The following N4BP3 variants were observed in gnomAD, a reference collection of about 807,000 sequenced individuals.
The protein encoded by N4BP3 is NEDD4 binding protein 3.
N4BP3 carries 33 observed loss-of-function variants against 43.8 expected under a neutral mutation model. That is an observed-to-expected ratio of 0.75 (90% CI 0.57 to 1.01). The LOEUF (loss-of-function observed/expected upper bound fraction) is 1.01, where lower values mean the gene tolerates loss of function less well. Ranked by LOEUF, N4BP3 falls within the 50% of genes least tolerant of loss-of-function variation. The pLI, the probability that N4BP3 is intolerant of heterozygous loss-of-function variation, is 0.00. For missense variants in N4BP3, 756 were observed against 744.2 expected, an observed-to-expected ratio of 1.02 and a Z score of -0.18; for synonymous variants, 326 against 321.9, an observed-to-expected ratio of 1.01 and a Z score of -0.14.
At chr5:178,116,605 G>A (rs978368932) in intron 1 of N4BP3, among the ~76,000 whole-genome samples, 2 of 152,210 alleles carry the variant, frequency 1.3e-5, no homozygotes, top group African/African-American at 2.4e-5. Context: ...CGTCTGCACC[G>A]TGTCCTCTAA....
rs761627142 is a variant in N4BP3, at chr5:178,120,288, C to T, written c.441C>T (p.Gly147=). 3.1e-5 allele frequency: 50 copies of T among 1,610,006 alleles called. 1 individual carries two copies. The South Asian group carries it at 5.1e-4, about 16-fold the overall frequency. ...GCCAGAAGCTGTGGCGCAGCAATGG[C>T]AGCCTGCACACGCTGGCCTGCCACC... ...HKGQKLWRSN[G]SLHTLACHPP... is the part of the protein sequence containing the mutation. Residue 147 remains glycine (G), a synonymous_variant, in exon 3 of 5, where the codon GGC becomes GGT. Transcript: ENST00000274605.
chr5:178,121,958 C>A lies in N4BP3; in HGVS notation c.1592C>A (p.Pro531His). The change falls in exon 5 of 5, where the codon CCC becomes CAC. Residue 531 changes from proline (P) to histidine (H), a missense_variant. Transcript: ENST00000274605. ...CAGGAACTGCGGGCACTGCGGGAGC[C>A]CCCCACACCCTGGAGTCCCCGGCTC... Reference protein sequence around the residue: ...LEQELRALREPPTPWSPRLES... With the variant: ...LEQELRALREHPTPWSPRLES... The A allele has an allele frequency of 6.2e-7, 1 of 1,609,612 alleles. No individual in the cohort carries two copies. The highest frequency in any genetic ancestry group is 8.5e-7 in the Non-Finnish European group (1 of 1,178,448).
rs1366161596 is a variant in N4BP3, at chr5:178,122,941, A to G, written c.*940A>G. 6.6e-6 allele frequency: 1 copy of G among 152,152 alleles called. No homozygotes were observed. Among genetic ancestry groups the G allele is most frequent in the Non-Finnish European group, 1.5e-5 (1 of 68,032 alleles). 9.4% of individuals were successfully genotyped at this position (152,152 alleles called of 1,614,324 possible). ...CTTTACCACAGCAAGGAATGGGAAC[A>G]TTTCCCCATCAGCAACGGGGCTCTA... On this transcript the variant is annotated 3_prime_UTR_variant, in exon 5 of 5. Transcript: ENST00000274605.
chr5:178,121,608 T>C lies in N4BP3; in HGVS notation c.1242T>C (p.Ala414=). Reference sequence around the variant, plus strand: ...GGGGCAGCCGGGCACAAGCCCAGGCTCAGGACGCAGAGCTGGTCCGGCTGC... The same window carrying C: ...GGGGCAGCCGGGCACAAGCCCAGGCCCAGGACGCAGAGCTGGTCCGGCTGC... ...QLRGSRAQAQ[A]QDAELVRLRE... is the part of the protein sequence containing the mutation. Residue 414 remains alanine, a synonymous_variant, in exon 5 of 5, where the codon GCT becomes GCC. Coordinates refer to ENST00000274605, the MANE Select transcript of N4BP3 (RefSeq NM_015111.2). 1 of 1,613,168 alleles carries C rather than the reference T, an allele frequency of 6.2e-7. No homozygotes were observed. The highest frequency in any genetic ancestry group is 8.5e-7 in the Non-Finnish European group (1 of 1,179,922).
chr5:178,120,099 G>T, intron 2 of N4BP3, 79 bp from the exon 3 acceptor site: 1 of 1,512,488 alleles, frequency 6.6e-7, no homozygotes, highest in Non-Finnish European at 8.9e-7. Flanking sequence ...ATCCCTCAGG[G>T]GCTGTGAGAG....
chr5:178,122,239 A>G lies in N4BP3; in HGVS notation c.*238A>G, dbSNP rs770160615. On this transcript the variant is annotated 3_prime_UTR_variant, in exon 5 of 5. Coordinates refer to ENST00000274605, the MANE Select transcript of N4BP3 (RefSeq NM_015111.2). ...GGCAGGGCCCAGCCCTGCTTCCTGG[A>G]GTGGATGTGGCCCAGAGAAGGAGGC... 280 of 505,662 alleles carry G rather than the reference A, an allele frequency of 5.5e-4. No individual in the cohort carries two copies. The highest frequency in any genetic ancestry group is 7.6e-4 in the Non-Finnish European group (221 of 289,316). The allele number at this position is 505,662 out of a possible 1,614,324, so 31.3% of individuals were successfully genotyped here.
Position 178,118,955 on chromosome 5 carries a change from TC to T in N4BP3, c.-30-596del, listed in dbSNP as rs1215607246. Reference sequence around the variant, plus strand: ...ATCTCGGCTCACTGCAAGCTCTGCCTCCCAGGTTCATGCCATTCTCCAGCCT... The same window carrying T: ...ATCTCGGCTCACTGCAAGCTCTGCCTCCAGGTTCATGCCATTCTCCAGCCT... On this transcript the variant is annotated intron_variant, in intron 1 of 4. Transcript: ENST00000274605. This position sits in a 1 kb window ranked among gnomAD's most constrained non-coding sequence, Gnocchi z 5.4. 6.6e-6 allele frequency among the ~76,000 whole-genome samples: 1 copy of T among 151,094 alleles called. No individual in the cohort carries two copies. The highest frequency in any genetic ancestry group is 1.5e-5 in the Non-Finnish European group (1 of 67,894).
rs377627701 is a variant in N4BP3, at chr5:178,120,252, G to T, written c.405G>T (p.Ala135=). 6.2e-7 allele frequency: 1 copy of T among 1,607,850 alleles called. No homozygotes were observed. Among genetic ancestry groups the T allele is most frequent in the East Asian group, 2.2e-5 (1 of 44,688 alleles). ...GKGFLSMQSL[A]SHKGQKLWRS... ...GCTTCCTATCCATGCAAAGTCTGGC[G>T]TCCCACAAAGGCCAGAAGCTGTGGC... The change falls in exon 3 of 5, where the codon GCG becomes GCT. Residue 135 remains alanine, a synonymous_variant. Transcript: ENST00000274605.
chr5:178,119,734 G>A lies in N4BP3; in HGVS notation c.151G>A (p.Gly51Ser). The A allele has an allele frequency of 6.2e-7, 1 of 1,613,536 alleles. No individual in the cohort carries two copies. Among genetic ancestry groups the A allele is most frequent in the South Asian group, 1.1e-5 (1 of 91,084 alleles). The stretch of plus-strand genomic sequence containing the variant: ...TGATGGGCTCCTCCGGAAGGGCTTG[G>A]GCCAGCGTGAGTTCCTCAGCTACCT... ...QPDGLLRKGLGQREFLSYLHL... is the reference protein window; with the variant it reads ...QPDGLLRKGLSQREFLSYLHL... The change falls in exon 2 of 5, where the codon GGC becomes AGC. Residue 51 changes from glycine (G) to serine (S), a missense_variant. Transcript: ENST00000274605.
rs1247919935 is a variant in N4BP3, at chr5:178,122,875, G to A, written c.*874G>A. ...ATTCCCTGTTCGTAGGAAGGTGCAG[G>A]AGAGGAGGTGGGCAAGCTTATGGGT... is the stretch of plus-strand genomic sequence containing the variant. On this transcript the variant is annotated 3_prime_UTR_variant, in exon 5 of 5. Coordinates refer to ENST00000274605, the MANE Select transcript of N4BP3 (RefSeq NM_015111.2). 1 of 152,214 alleles carries A rather than the reference G, an allele frequency of 6.6e-6. No individual in the cohort carries two copies. The highest frequency in any genetic ancestry group is 2.4e-5 in the African/African-American group (1 of 41,434). 9.4% of individuals were successfully genotyped at this position (152,214 alleles called of 1,614,324 possible).
intron 2 of N4BP3, 131 bp from the exon 3 acceptor site, chr5:178,120,047 T>C: frequency 6.8e-7 from 1 of 1,469,094 alleles, no homozygotes; most frequent in Non-Finnish European, 9.1e-7. Context: ...TGAGGTTTGT[T>C]CACTGCCTCC....
In N4BP3 at chr5:178,120,623, G is replaced by A; in HGVS notation, c.776G>A (p.Gly259Glu). 6.2e-7 allele frequency: 1 copy of A among 1,609,836 alleles called. No individual in the cohort carries two copies. Among genetic ancestry groups the A allele is most frequent in the East Asian group, 2.2e-5 (1 of 44,886 alleles). ...TCCTGCTCCTCTGCCGAGGAAATGG[G>A]AGCCGTGCTGCCCGAGACCTGTGAG... ...EFSCSSAEEM[G>E]AVLPETCEEL... Residue 259 changes from glycine (G) to glutamate (E), a missense_variant, in exon 3 of 5, where the codon GGA becomes GAA. Physicochemically the swap from Gly to Glu is moderately conservative, Grantham distance 98. Coordinates refer to ENST00000274605, the MANE Select transcript of N4BP3 (RefSeq NM_015111.2).
At position 178,121,287 on chromosome 5, in the gene N4BP3, C is replaced by T. The variant is rs747183553; in HGVS notation, c.1042C>T (p.Arg348Trp). ...TCAGCAGGGCCTGGCTCCGGAGCCTCGGGCCCCCGGCACCCTCCCAGAGGC... is the reference window on the plus strand; with the variant it reads ...TCAGCAGGGCCTGGCTCCGGAGCCTTGGGCCCCCGGCACCCTCCCAGAGGC... The part of the protein sequence containing the change: ...RAQQGLAPEP[R>W]APGTLPEADP... The change falls in exon 4 of 5, where the codon CGG becomes TGG. Residue 348 changes from arginine to tryptophan, a missense_variant. By Grantham distance (101) the Arg-to-Trp change is moderately radical. Coordinates refer to ENST00000274605, the MANE Select transcript of N4BP3 (RefSeq NM_015111.2). The T allele has an allele frequency of 1.1e-5, 18 of 1,606,026 alleles. No individual in the cohort carries two copies. Among genetic ancestry groups the T allele is most frequent in the Middle Eastern group, 1.7e-4 (1 of 6,018 alleles).
rs1263363186 is a variant in N4BP3, at chr5:178,121,341, G to A, written c.1096G>A (p.Ala366Thr). ...CCCCAGTGCACGACCAGAGGAGGAA[G>A]CCCGATGGGAGGTGAGAGATGACAC... ...ADPSARPEEE[A>T]RWEVCQKTAE... is the part of the protein sequence containing the mutation. Residue 366 changes from alanine to threonine, a missense_variant, in exon 4 of 5, where the codon GCC (alanine) becomes ACC (threonine). Transcript: ENST00000274605. 6.2e-7 allele frequency: 1 copy of A among 1,601,566 alleles called. No individual in the cohort carries two copies. Among genetic ancestry groups the A allele is most frequent in the Middle Eastern group, 1.7e-4 (1 of 6,012 alleles).
At position 178,122,962 on chromosome 5, in the gene N4BP3, C is replaced by T. The variant is rs897452317; in HGVS notation, c.*961C>T. 2.6e-5 allele frequency: 4 copies of T among 152,242 alleles called. No homozygotes were observed. Among genetic ancestry groups the T allele is most frequent in the African/African-American group, 7.2e-5 (3 of 41,442 alleles). The allele number at this position is 152,242 out of a possible 1,614,324, so 9.4% of individuals were successfully genotyped here. A position where few individuals can be genotyped will look rare whatever the true frequency, so the allele number is the denominator to read the frequency against. ...GAACATTTCCCCATCAGCAACGGGG[C>T]TCTAGGGCATTATTAAGTAGGGGTG... is the stretch of plus-strand genomic sequence containing the variant. On this transcript the variant is annotated 3_prime_UTR_variant, in exon 5 of 5. Coordinates refer to ENST00000274605, the MANE Select transcript of N4BP3 (RefSeq NM_015111.2).
At chr5:178,119,085 G>C (rs1016475524) in intron 1 of N4BP3, among the ~76,000 whole-genome samples, 1 of 152,104 alleles carries the variant, frequency 6.6e-6, no homozygotes, top group African/African-American at 2.4e-5. Context: ...AGGATGGTCT[G>C]CGTTTCCTGA....
At chr5:178,126,624 C>T (rs999699442), downstream of N4BP3, among the ~76,000 whole-genome samples, 1 of 152,312 alleles carries the variant, frequency 6.6e-6, no homozygotes, top group Admixed American at 6.5e-5. Context: ...CTCCTTTTCC[C>T]TCCCAAAACC....
In N4BP3 at chr5:178,123,907, A is replaced by G. The variant is rs7735932; in HGVS notation, c.*1906A>G. The G allele has an allele frequency of 1, 152,606 of 152,978 alleles. 76,120 individuals carry two copies. Among genetic ancestry groups the G allele is most frequent in the Middle Eastern group, 1 (298 of 298 alleles). The allele number at this position is 152,978 out of a possible 1,614,324, so 9.5% of individuals were successfully genotyped here. On this transcript the variant is annotated 3_prime_UTR_variant, in exon 5 of 5. Coordinates refer to ENST00000274605, the MANE Select transcript of N4BP3 (RefSeq NM_015111.2). ...TCCCCTAGGCCTATCTGAGACCCATACAGGCCCACACCTGAGCTCCTGTCT... is the reference window on the plus strand; with the variant it reads ...TCCCCTAGGCCTATCTGAGACCCATGCAGGCCCACACCTGAGCTCCTGTCT...
In N4BP3 at chr5:178,119,660, C is replaced by A; in HGVS notation, c.77C>A (p.Pro26His). ...GSLLERQDFS[P>H]EELRAALAGS... ...CTGTTGGAACGGCAGGACTTCTCCC[C>A]TGAAGAGCTGCGGGCGGCACTTGCC... Residue 26 changes from proline (P) to histidine (H), a missense_variant, in exon 2 of 5, where the codon CCT (proline) becomes CAT (histidine). Coordinates refer to ENST00000274605, the MANE Select transcript of N4BP3 (RefSeq NM_015111.2). The A allele has an allele frequency of 6.2e-7, 1 of 1,605,644 alleles. No individual in the cohort carries two copies.
Sources: gnomAD v4.1 joint callset for allele counts (sites outside exome capture counted in the v4.1 genomes callset) on GRCh38, gnomAD v4.1.1 for gene constraint, Gnocchi (gnomAD v3.1) non-coding constraint, MANE v1.5 for transcripts, NCBI Gene and HGNC (gene_info 2026-07-23, HGNC 2026-07-21) for gene names.